Variants in DPP10 observed in about 807,000 individuals in gnomAD.
DPP10 encodes inactive dipeptidyl peptidase 10.
A neutral mutation model predicts 120.9 loss-of-function variants in DPP10; 33 were observed. The observed-to-expected ratio is 0.27, with a 90% CI of 0.21 to 0.37. The LOEUF is 0.37. DPP10 is among the 10% of genes least tolerant of loss of function. DPP10 has a pLI of 1.00. For synonymous variants in DPP10, 337 were observed against 326.1 expected, an observed-to-expected ratio of 1.03 and a Z score of -0.36; for missense variants, 816 against 942.8, an observed-to-expected ratio of 0.87 and a Z score of 1.76.
intron 1 of DPP10, among the ~76,000 whole-genome samples, chr2:115,099,131 A>C: frequency 9.7e-6 from 1 of 103,070 alleles, no homozygotes; most frequent in South Asian, 2.7e-4. Flanking sequence ...CTAAAAATAC[A>C]AAAAAAAAAA....
At chr2:114,738,897 G>T (rs77300751) in intron 1 of DPP10, among the ~76,000 whole-genome samples, 5,003 of 152,170 alleles carry the variant, frequency 0.033, 126 homozygotes, top group Middle Eastern at 0.065. Context: ...AGATATGTGG[G>T]GAGAGCTTAG....
chr2:114,485,129 G>T (rs747141663), intron 1 of DPP10, among the ~76,000 whole-genome samples: 9 of 152,148 alleles, frequency 5.9e-5, no homozygotes, highest in Non-Finnish European at 1.2e-4. Flanking sequence ...GCACAAGCTG[G>T]CCATGAGGTC....
At chr2:115,808,062 G>A (rs10432603) in intron 19 of DPP10, among the ~76,000 whole-genome samples, 62,050 of 152,142 alleles carry the variant, frequency 0.41, 15,140 homozygotes, top group East Asian at 0.67. Context: ...CTATGAAGAA[G>A]CTCGTAAGAT....
rs78116780 is a variant in DPP10 at position 115,403,381 on chromosome 2, C to CTTTTTTTTT, written c.271+59497_271+59505dup. 1.2e-4 allele frequency among the ~76,000 whole-genome samples: 14 copies of CTTTTTTTTT among 118,464 alleles called. 1 individual carries two copies. The highest frequency in any genetic ancestry group is 2.1e-4 in the African/African-American group (6 of 28,196). The allele number at this position is 118,464 out of a possible 152,430, so 77.7% of individuals were successfully genotyped here. ...TACTTCTCTCTTTCTTTCTTTCCTTCTTTTTTTTTTTTTTTTTTTTTTTTT... is the reference window on the plus strand; with the variant it reads ...TACTTCTCTCTTTCTTTCTTTCCTTCTTTTTTTTTTTTTTTTTTTTTTTTTTTTTTTTTT... On this transcript the variant is annotated intron_variant, in intron 3 of 25. Transcript: ENST00000410059.
chr2:115,498,170 G>T (rs1213584522), intron 3 of DPP10, among the ~76,000 whole-genome samples: 3 of 152,054 alleles, frequency 2.0e-5, no homozygotes, highest in African/African-American at 7.2e-5. Flanking sequence ...CTGTTCCCAT[G>T]TGATTAAGGT....
In DPP10 at chr2:115,753,192, G is replaced by A; in HGVS notation, c.969G>A (p.Met323Ile). ...AAACTAGAGAATACTATATCACTAT[G>A]GTTAAATGGGTAAGCAATACCAAGA... ...SFKSREYYIT[M>I]VKWVSNTKTV... Residue 323 changes from methionine to isoleucine, a missense_variant, in exon 11 of 26, where the codon ATG becomes ATA. Physicochemically the swap from Met to Ile is conservative, Grantham distance 10. Transcript: ENST00000410059. 6.2e-7 allele frequency: 1 copy of A among 1,610,894 alleles called. No homozygotes were observed. Among genetic ancestry groups the A allele is most frequent in the African/African-American group, 1.3e-5 (1 of 74,922 alleles).
At chr2:115,628,542 T>A (rs2085558947) in intron 5 of DPP10, among the ~76,000 whole-genome samples, 1 of 152,182 alleles carries the variant, frequency 6.6e-6, no homozygotes, top group Admixed American at 6.5e-5. Context: ...TTTGTTAATT[T>A]TTTCTTTTGT....
At chr2:114,649,017 T>C (rs1428362146) in intron 1 of DPP10, among the ~76,000 whole-genome samples, 1 of 152,256 alleles carries the variant, frequency 6.6e-6, no homozygotes, top group African/African-American at 2.4e-5. Context: ...ATTAGTGCTA[T>C]AAAGCCACTG....
intron 5 of DPP10, among the ~76,000 whole-genome samples, chr2:115,681,083 AAG>A (rs2090617635): frequency 6.6e-6 from 1 of 151,980 alleles, no homozygotes; most frequent in South Asian, 2.1e-4. Flanking sequence ...ACTTTGAACA[AAG>A]AGAGAGATGC....
At chr2:114,953,507 T>G (rs1252808464) in intron 1 of DPP10, among the ~76,000 whole-genome samples, 2 of 152,082 alleles carry the variant, frequency 1.3e-5, no homozygotes, top group Non-Finnish European at 2.9e-5. Context: ...TGTGTGTACA[T>G]GAACATGTAT....
intron 1 of DPP10, among the ~76,000 whole-genome samples, chr2:115,018,242 GC>G (rs1428624941): frequency 6.6e-6 from 1 of 152,150 alleles, no homozygotes; most frequent in Non-Finnish European, 1.5e-5. Context: ...AAATAGTAAT[GC>G]TTTTACACTG....
At chr2:114,851,401 C>A (rs1413622566) in intron 1 of DPP10, among the ~76,000 whole-genome samples, 2 of 152,264 alleles carry the variant, frequency 1.3e-5, no homozygotes, top group South Asian at 4.1e-4. Context: ...TATAGTTTAA[C>A]TTAACCCTCA....
At chr2:114,802,662 G>A (rs1376995707) in intron 1 of DPP10, among the ~76,000 whole-genome samples, 3 of 152,184 alleles carry the variant, frequency 2.0e-5, no homozygotes, top group Admixed American at 6.5e-5. Context: ...GAAATGAAGA[G>A]ACCATGGGAG....
chr2:115,342,943 C>G (rs543395148), intron 2 of DPP10, among the ~76,000 whole-genome samples: 1 of 152,258 alleles, frequency 6.6e-6, no homozygotes, highest in East Asian at 1.9e-4. Context: ...AGTGCTGAAC[C>G]TTTTCAGAAT....
chr2:114,658,343 A>G (rs1697117646), intron 1 of DPP10, among the ~76,000 whole-genome samples: 1 of 152,228 alleles, frequency 6.6e-6, no homozygotes, highest in Non-Finnish European at 1.5e-5. Flanking sequence ...TGTTGAGAGG[A>G]CAATGATAAG....
At position 114,798,806 on chromosome 2, in the gene DPP10, A is replaced by T. The variant is rs1171653655; in HGVS notation, c.60+355968A>T. ...TTCTTCACTTTTCCATTTTTGTGTT[A>T]TACTTAAATTTACAAAAAAATAAAA... is the stretch of plus-strand genomic sequence containing the variant. On this transcript the variant is annotated intron_variant, in intron 1 of 25. Coordinates refer to ENST00000410059, the MANE Select transcript of DPP10 (RefSeq NM_020868.6). 2.0e-5 allele frequency among the ~76,000 whole-genome samples: 3 copies of T among 152,138 alleles called. No individual in the cohort carries two copies. In the East Asian group the frequency reaches 5.8e-4, roughly 29 times the overall value.
At chr2:115,381,596 G>C (rs1341272297) in intron 3 of DPP10, among the ~76,000 whole-genome samples, 1 of 152,208 alleles carries the variant, frequency 6.6e-6, no homozygotes, top group South Asian at 2.1e-4. Flanking sequence ...TTGCTGGTGA[G>C]GAACTGCGTT....
intron 1 of DPP10, among the ~76,000 whole-genome samples, chr2:115,032,422 A>G (rs954061457): frequency 2.0e-5 from 3 of 152,230 alleles, no homozygotes; most frequent in African/African-American, 4.8e-5. Flanking sequence ...GTCTTTGAAA[A>G]TAAATATTTG....
intron 7 of DPP10, among the ~76,000 whole-genome samples, chr2:115,695,631 G>T (rs182688349): frequency 1.3e-5 from 2 of 152,234 alleles, no homozygotes; most frequent in African/African-American, 4.8e-5. Context: ...TCCCTACCAT[G>T]ACATGTGGGA....
Sources: gnomAD v4.1 joint callset for allele counts (sites outside exome capture counted in the v4.1 genomes callset) on GRCh38, gnomAD v4.1.1 for gene constraint, MANE v1.5 for transcripts, NCBI Gene and HGNC (gene_info 2026-07-23, HGNC 2026-07-21) for gene names.